TXNRD1: variants seen among roughly 807,000 people sequenced by gnomAD.
TXNRD1 encodes thioredoxin reductase 1, also known as thioredoxin reductase 1, cytoplasmic.
In TXNRD1, 57 loss-of-function variants were observed where a neutral mutation model predicts 80.3. That is an observed-to-expected ratio of 0.71 (90% CI 0.57 to 0.89). The LOEUF is 0.89. TXNRD1 is among the 40% of genes least tolerant of loss of function. The probability of loss-of-function intolerance (pLI) is 0.00; values close to 1 mark genes in which losing one functional copy is unlikely to be tolerated. For synonymous variants in TXNRD1, 291 were observed against 285.2 expected (o/e 1.02, Z -0.20); for missense variants, 730 against 803.0 (o/e 0.91, Z 1.10).
chr12:104,219,478 A>G (rs2135671989), intron 1 of TXNRD1, among the ~76,000 whole-genome samples: 1 of 152,314 alleles, frequency 6.6e-6, no homozygotes, highest in Non-Finnish European at 1.5e-5. Context: ...CAGTCCTTGA[A>G]CATAGAGTCT....
chr12:104,229,373 C>A (rs1350488923), intron 1 of TXNRD1, among the ~76,000 whole-genome samples: 1 of 151,408 alleles, frequency 6.6e-6, no homozygotes, highest in South Asian at 2.1e-4. Flanking sequence ...GTCTTGAACT[C>A]CTGAGCTCAA....
Position 104,271,705 on chromosome 12 carries a change from G to A in TXNRD1, c.304+13626G>A, listed in dbSNP as rs980821413. On this transcript the variant is annotated intron_variant, in intron 3 of 16. Transcript: ENST00000525566. ...TTAAGGCTATTTTCACTTCTTTTGT[G>A]GATCTTCAGTTGCTTCAGGCCATCT... Among the ~76,000 whole-genome samples the A allele has an allele frequency of 8.5e-5, 13 of 152,198 alleles. No homozygotes were observed. The East Asian group carries it at 1.2e-3, about 14-fold the overall frequency.
chr12:104,282,355 T>A (rs763977365), intron 3 of TXNRD1, among the ~76,000 whole-genome samples: 4 of 152,192 alleles, frequency 2.6e-5, no homozygotes, highest in South Asian at 2.1e-4. Context: ...CTTGGAGCAA[T>A]GTTTTGTACC....
At chr12:104,254,644 A>AAAAAATATATATATATAT in intron 2 of TXNRD1, among the ~76,000 whole-genome samples, 13 of 93,628 alleles carry the variant, frequency 1.4e-4, no homozygotes, top group African/African-American at 5.7e-4. Context: ...AAAAAAAAAA[A>AAAAAATATATATATATAT]ATATATATAT....
chr12:104,251,655 T>G lies in TXNRD1; in HGVS notation c.220T>G (p.Ser74Ala). Residue 74 changes from serine (S) to alanine (A), a missense_variant, in exon 2 of 17, where the codon TCC becomes GCC. Coordinates refer to ENST00000525566, the MANE Select transcript of TXNRD1 (RefSeq NM_001093771.3). ...TCACTCTGTGGTCATCTTCAGTAGGTCCACATGCACACGCTGTACTGAGGT... is the reference window on the plus strand; with the variant it reads ...TCACTCTGTGGTCATCTTCAGTAGGGCCACATGCACACGCTGTACTGAGGT... ...DGHSVVIFSR[S>A]TCTRCTEVKK... The G allele has an allele frequency of 6.2e-7, 1 of 1,613,930 alleles. No homozygotes were observed. Among genetic ancestry groups the G allele is most frequent in the Non-Finnish European group, 8.5e-7 (1 of 1,179,848 alleles).
intron 4 of TXNRD1, among the ~76,000 whole-genome samples, chr12:104,305,605 T>G (rs1263438794): frequency 1.3e-5 from 2 of 152,188 alleles, no homozygotes; most frequent in Non-Finnish European, 2.9e-5. Context: ...ATGCATGGAA[T>G]TGTTAGAAGT....
chr12:104,230,787 A>T (rs1200666179), intron 1 of TXNRD1, among the ~76,000 whole-genome samples: 6 of 152,228 alleles, frequency 3.9e-5, no homozygotes, highest in Non-Finnish European at 7.3e-5. Flanking sequence ...TACTTATATG[A>T]GGAGGCTGGA....
chr12:104,243,310 T>C (rs1308216435), intron 1 of TXNRD1, among the ~76,000 whole-genome samples: 2 of 152,198 alleles, frequency 1.3e-5, no homozygotes, highest in Admixed American at 6.5e-5. Context: ...TGTTTTATTT[T>C]TCCAGCTTGT....
chr12:104,245,102 C>A (rs541519281), intron 1 of TXNRD1, among the ~76,000 whole-genome samples: 1 of 152,170 alleles, frequency 6.6e-6, no homozygotes, highest in Non-Finnish European at 1.5e-5. Context: ...GTGATAATAG[C>A]TATGTTAATA....
At chr12:104,305,949 G>C (rs1218183790) in intron 4 of TXNRD1, among the ~76,000 whole-genome samples, 1 of 151,900 alleles carries the variant, frequency 6.6e-6, no homozygotes, top group African/African-American at 2.4e-5. Context: ...TCTTGCCCAG[G>C]CTGGGGTGCA....
At chr12:104,223,434 CTT>C (rs966336911) in intron 1 of TXNRD1, among the ~76,000 whole-genome samples, 35 of 152,116 alleles carry the variant, frequency 2.3e-4, no homozygotes, top group African/African-American at 7.2e-4. Context: ...AGATTTCACT[CTT>C]TTATGTATAG....
At chr12:104,331,005 T>C (rs1362145948) in intron 13 of TXNRD1, among the ~76,000 whole-genome samples, 3 of 151,998 alleles carry the variant, frequency 2.0e-5, no homozygotes, top group African/African-American at 7.2e-5. Flanking sequence ...TATTGTATAT[T>C]ATAGTAAAAT....
At chr12:104,240,030 A>G (rs1403637788) in intron 1 of TXNRD1, among the ~76,000 whole-genome samples, 1 of 152,160 alleles carries the variant, frequency 6.6e-6, no homozygotes, top group Non-Finnish European at 1.5e-5. Context: ...TATGAGGGAT[A>G]TTGATTTACA....
chr12:104,309,832 T>C, intron 4 of TXNRD1: 2 of 1,535,232 alleles, frequency 1.3e-6, no homozygotes, highest in Non-Finnish European at 8.7e-7. Context: ...CAGCCTCTTG[T>C]GCTAGACCTT....
chr12:104,290,080 ATC>A (rs1378928271), intron 4 of TXNRD1, among the ~76,000 whole-genome samples: 1 of 152,258 alleles, frequency 6.6e-6, no homozygotes, highest in Non-Finnish European at 1.5e-5. Context: ...ATCCATTTAT[ATC>A]TCTGTAATTT....
intron 1 of TXNRD1, among the ~76,000 whole-genome samples, chr12:104,218,370 T>G (rs2032269421): frequency 1.3e-5 from 2 of 152,062 alleles, no homozygotes; most frequent in African/African-American, 4.8e-5. Flanking sequence ...TAATACAACT[T>G]GCTAAATTTT....
At chr12:104,303,992 G>T (rs1208425847) in intron 4 of TXNRD1, 2 of 1,609,122 alleles carry the variant, frequency 1.2e-6, no homozygotes, top group Non-Finnish European at 8.5e-7. Context: ...CAGCTCTGGG[G>T]AGGCCGACGT....
Position 104,319,024 on chromosome 12 carries a change from ATGGGCAATT to A in TXNRD1, c.844_852del (p.Gly282_Phe284del). 1 of 1,613,758 alleles carries A rather than the reference ATGGGCAATT, an allele frequency of 6.2e-7. No individual in the cohort carries two copies. Among genetic ancestry groups the A allele is most frequent in the Non-Finnish European group, 8.5e-7 (1 of 1,179,842 alleles). ...AAAAAAGTCGTCTATGAGAATGCTT[ATGGGCAATT>A]TATTGGTCCTCACAGGATTAAGGTA... On this transcript the variant is annotated inframe_deletion, in exon 8 of 17. Transcript: ENST00000525566.
intron 4 of TXNRD1, among the ~76,000 whole-genome samples, chr12:104,301,173 T>G (rs1455615026): frequency 6.6e-6 from 1 of 152,086 alleles, no homozygotes; most frequent in Middle Eastern, 3.2e-3. Flanking sequence ...TATAAGCAGG[T>G]TGGGAGAATA....
Sources: gnomAD v4.1 joint callset for allele counts (sites outside exome capture counted in the v4.1 genomes callset) on GRCh38, gnomAD v4.1.1 for gene constraint, MANE v1.5 for transcripts, NCBI Gene and HGNC (gene_info 2026-07-23, HGNC 2026-07-21) for gene names.